The following UNC13C variants were observed in gnomAD, a reference collection of about 807,000 sequenced individuals.
UNC13C encodes the protein protein unc-13 homolog C.
UNC13C carries 174 observed loss-of-function variants against 245.4 expected under a neutral mutation model. That is an observed-to-expected ratio of 0.71 (90% CI 0.63 to 0.80). UNC13C has a LOEUF of 0.80. Among genes scored for constraint, UNC13C ranks in the 30% least tolerant of loss-of-function variants. The pLI, the probability that UNC13C is intolerant of heterozygous loss-of-function variation, is 0.00. For synonymous variants in UNC13C, 992 were observed against 895.1 expected (o/e 1.11, Z -1.93); for missense variants, 2,829 against 2,602.9 (o/e 1.09, Z -1.89).
chr15:54,134,837 G>A (rs2031648198), intron 2 of UNC13C, among the ~76,000 whole-genome samples: 1 of 152,158 alleles, frequency 6.6e-6, no homozygotes, highest in Non-Finnish European at 1.5e-5. Flanking sequence ...ATACCTATAA[G>A]TGAGATTGCT....
At chr15:54,201,633 C>G (rs2034526104) in intron 4 of UNC13C, among the ~76,000 whole-genome samples, 1 of 151,852 alleles carries the variant, frequency 6.6e-6, no homozygotes, top group African/African-American at 2.4e-5. Flanking sequence ...GATTAAAATC[C>G]TCAGCAAAAT....
At chr15:54,514,291 G>T (rs894468135) in intron 24 of UNC13C, among the ~76,000 whole-genome samples, 1 of 152,244 alleles carries the variant, frequency 6.6e-6, no homozygotes, top group Non-Finnish European at 1.5e-5. Context: ...ATGTTCAGGG[G>T]CCTTTAAAAG....
Position 54,366,232 on chromosome 15 carries a change from G to A in UNC13C, c.4714-26816G>A, listed in dbSNP as rs115748456. 9.4e-3 allele frequency among the ~76,000 whole-genome samples: 1,429 copies of A among 152,188 alleles called. 28 individuals carry two copies. Among genetic ancestry groups the A allele is most frequent in the African/African-American group, 0.033 (1,350 of 41,516 alleles). ...ATTTCATCTACATATAATTTGGGTG[G>A]TGCATTTTCTAGTTGCTATATAACA... is the stretch of plus-strand genomic sequence containing the variant. On this transcript the variant is annotated intron_variant, in intron 17 of 32. Coordinates refer to ENST00000260323, the MANE Select transcript of UNC13C (RefSeq NM_001080534.3).
chr15:54,443,770 C>T (rs1890657614), intron 19 of UNC13C, among the ~76,000 whole-genome samples: 1 of 150,952 alleles, frequency 6.6e-6, no homozygotes, highest in African/African-American at 2.4e-5. Context: ...TATGAGAAGA[C>T]ACGATGTCAT....
At chr15:54,619,172 T>C (rs982716441) in intron 30 of UNC13C, among the ~76,000 whole-genome samples, 3 of 152,074 alleles carry the variant, frequency 2.0e-5, no homozygotes, top group Non-Finnish European at 4.4e-5. Flanking sequence ...TACCTGAGAG[T>C]TCCTTAAATG....
intron 17 of UNC13C, among the ~76,000 whole-genome samples, chr15:54,369,533 G>A (rs113481812): frequency 2.6e-5 from 4 of 152,092 alleles, no homozygotes; most frequent in African/African-American, 9.6e-5. Flanking sequence ...CTAATGAATT[G>A]ATAAATCCAG....
At chr15:54,147,298 C>A (rs192028385) in intron 4 of UNC13C, among the ~76,000 whole-genome samples, 1 of 151,180 alleles carries the variant, frequency 6.6e-6, no homozygotes, top group East Asian at 2.0e-4. Flanking sequence ...CGGCTCACTG[C>A]AAGCTCTGCC....
At chr15:54,615,366 A>G (rs1305381795) in intron 30 of UNC13C, among the ~76,000 whole-genome samples, 1 of 152,026 alleles carries the variant, frequency 6.6e-6, no homozygotes, top group Non-Finnish European at 1.5e-5. Context: ...GTGGGGATGC[A>G]TAGTCCCATG....
At chr15:54,588,565 T>C (rs1390288107) in intron 30 of UNC13C, among the ~76,000 whole-genome samples, 1 of 152,194 alleles carries the variant, frequency 6.6e-6, no homozygotes, top group Non-Finnish European at 1.5e-5. Flanking sequence ...GTAAATTCTT[T>C]AGTGATTTGT....
chr15:53,860,041 C>T, the UNC13C span, among the ~76,000 whole-genome samples: 1 of 152,184 alleles, frequency 6.6e-6, no homozygotes, highest in African/African-American at 2.4e-5. Flanking sequence ...TTCTCTATCA[C>T]ATTTGAGTTC....
chr15:54,520,890 A>T (rs1262857694), intron 24 of UNC13C, among the ~76,000 whole-genome samples: 1 of 152,182 alleles, frequency 6.6e-6, no homozygotes, highest in Admixed American at 6.5e-5. Context: ...AGCAGTCTGA[A>T]GATCAAAAGA....
In UNC13C at chr15:54,583,602, G is replaced by A. The variant is rs564390288; in HGVS notation, c.6106+15655G>A. Among the ~76,000 whole-genome samples, 16 of 152,204 alleles carry A rather than the reference G, an allele frequency of 1.1e-4. No individual in the cohort carries two copies. In the South Asian group the frequency reaches 1.7e-3, roughly 16 times the overall value. On this transcript the variant is annotated intron_variant, in intron 30 of 32. Coordinates refer to ENST00000260323, the MANE Select transcript of UNC13C (RefSeq NM_001080534.3). ...TATTTTCAGTTCAGTTTTTCTTCAC[G>A]TATAATAGAAATGATTTAAAAGCCA... is the stretch of plus-strand genomic sequence containing the variant.
intron 7 of UNC13C, among the ~76,000 whole-genome samples, chr15:54,243,076 C>T (rs558447630): frequency 2.6e-5 from 4 of 152,234 alleles, no homozygotes; most frequent in Admixed American, 2.0e-4. Flanking sequence ...CAGATCAACC[C>T]ATCACCTTGG....
intron 7 of UNC13C, among the ~76,000 whole-genome samples, chr15:54,245,102 A>G (rs532769100): frequency 6.6e-6 from 1 of 152,262 alleles, no homozygotes; most frequent in South Asian, 2.1e-4. Flanking sequence ...GACTTTCCAC[A>G]TTAAAATGGC....
At chr15:54,139,562 C>T (rs1401718669) in intron 2 of UNC13C, among the ~76,000 whole-genome samples, 3 of 152,172 alleles carry the variant, frequency 2.0e-5, no homozygotes, top group Non-Finnish European at 2.9e-5. Context: ...TTTTCATGCT[C>T]ATCAACTATG....
intron 2 of UNC13C, among the ~76,000 whole-genome samples, chr15:54,113,914 G>T (rs2030018260): frequency 1.3e-5 from 2 of 152,146 alleles, no homozygotes; most frequent in Non-Finnish European, 2.9e-5. Flanking sequence ...TGTACGTTTT[G>T]CTGGAAGTGG....
intron 4 of UNC13C, among the ~76,000 whole-genome samples, chr15:54,219,095 C>A (rs1224319451): frequency 6.6e-6 from 1 of 151,544 alleles, no homozygotes; most frequent in Non-Finnish European, 1.5e-5. Flanking sequence ...TTTGAAAAAA[C>A]TACTTTAAAG....
chr15:54,612,757 C>A (rs1900187952), intron 30 of UNC13C, among the ~76,000 whole-genome samples: 1 of 151,902 alleles, frequency 6.6e-6, no homozygotes, highest in African/African-American at 2.4e-5. Flanking sequence ...TAAAGCTACC[C>A]TCCAAATATG....
intron 30 of UNC13C, among the ~76,000 whole-genome samples, chr15:54,585,463 G>T (rs560683606): frequency 1.6e-4 from 25 of 152,170 alleles, no homozygotes; most frequent in Non-Finnish European, 3.1e-4. Context: ...ACAACTATGA[G>T]TCAAATAACC....
Sources: allele counts gnomAD v4.1 joint callset (sites outside exome capture counted in the v4.1 genomes callset), GRCh38; gene constraint gnomAD v4.1.1; transcripts MANE v1.5; gene names NCBI Gene and HGNC (gene_info 2026-07-23, HGNC 2026-07-21).